The following EXOC6B variants were observed in gnomAD, a reference collection of about 807,000 sequenced individuals.
EXOC6B encodes exocyst complex component 6B.
EXOC6B carries 54 observed loss-of-function variants against 113.5 expected under a neutral mutation model. That is an observed-to-expected ratio of 0.48 (90% confidence interval 0.38 to 0.60). The LOEUF (loss-of-function observed/expected upper bound fraction) is 0.60, where lower values mean the gene tolerates loss of function less well. Ranked by LOEUF, EXOC6B falls within the 20% of genes least tolerant of loss-of-function variation. The pLI, the probability that EXOC6B is intolerant of heterozygous loss-of-function variation, is 0.00. For missense variants in EXOC6B, 797 were observed against 977.5 expected, an observed-to-expected ratio of 0.82 and a Z score of 2.46; for synonymous variants, 357 against 339.0, an observed-to-expected ratio of 1.05 and a Z score of -0.58.
At chr2:72,397,237 G>A (rs1054919793) in intron 18 of EXOC6B, among the ~76,000 whole-genome samples, 1 of 152,048 alleles carries the variant, frequency 6.6e-6, no homozygotes, top group Non-Finnish European at 1.5e-5. Flanking sequence ...TTGGAACCTT[G>A]AGGAAATGGT....
intron 20 of EXOC6B, among the ~76,000 whole-genome samples, chr2:72,297,941 G>A (rs943189477): frequency 1.3e-5 from 2 of 152,174 alleles, no homozygotes; most frequent in Admixed American, 1.3e-4. Context: ...GTGCAATGTG[G>A]TGCTCAGAAG....
chr2:72,262,060 C>T (rs1313786591), intron 20 of EXOC6B, among the ~76,000 whole-genome samples: 1 of 152,068 alleles, frequency 6.6e-6, no homozygotes, highest in Non-Finnish European at 1.5e-5. Context: ...GTATTCTTTC[C>T]CTATATCTCA....
intron 18 of EXOC6B, among the ~76,000 whole-genome samples, chr2:72,423,841 A>G (rs1695050916): frequency 6.6e-6 from 1 of 152,198 alleles, no homozygotes; most frequent in South Asian, 2.1e-4. Flanking sequence ...TATATTCAAT[A>G]ATATCAAACG....
At chr2:72,390,117 C>A (rs1038325732) in intron 18 of EXOC6B, among the ~76,000 whole-genome samples, 4 of 152,118 alleles carry the variant, frequency 2.6e-5, no homozygotes, top group Non-Finnish European at 2.9e-5. Flanking sequence ...TCCATTAATT[C>A]TCCTCTATAC....
At chr2:72,399,458 A>C (rs1388296141) in intron 18 of EXOC6B, among the ~76,000 whole-genome samples, 2 of 152,206 alleles carry the variant, frequency 1.3e-5, no homozygotes, top group Non-Finnish European at 2.9e-5. Context: ...GCAAAGAAGA[A>C]GTCAAACTAT....
intron 1 of EXOC6B, among the ~76,000 whole-genome samples, chr2:72,759,002 T>C (rs1217641612): frequency 6.6e-6 from 1 of 152,242 alleles, no homozygotes; most frequent in Non-Finnish European, 1.5e-5. Flanking sequence ...GCAGTCACTT[T>C]TCTTTAAGTG....
At chr2:72,441,801 C>T (rs1169122335) in intron 18 of EXOC6B, among the ~76,000 whole-genome samples, 4 of 152,186 alleles carry the variant, frequency 2.6e-5, no homozygotes, top group Non-Finnish European at 4.4e-5. Context: ...CAGACAGATT[C>T]ACAGCTGAAT....
At chr2:72,636,453 G>C (rs918193196) in intron 6 of EXOC6B, among the ~76,000 whole-genome samples, 1 of 150,750 alleles carries the variant, frequency 6.6e-6, no homozygotes, top group Non-Finnish European at 1.5e-5. Context: ...GAAGGAAGAA[G>C]AAGGAGGAGG....
intron 6 of EXOC6B, among the ~76,000 whole-genome samples, chr2:72,643,516 A>G (rs1432546481): frequency 1.3e-5 from 2 of 148,898 alleles, no homozygotes; most frequent in Non-Finnish European, 3.0e-5. Context: ...CGCAAGAACA[A>G]AAAACCAAAC....
intron 19 of EXOC6B, among the ~76,000 whole-genome samples, chr2:72,355,850 G>A (rs1420906271): frequency 6.6e-6 from 1 of 152,098 alleles, no homozygotes; most frequent in Non-Finnish European, 1.5e-5. Context: ...TAACAAAAGG[G>A]ACATCTGTTA....
At chr2:72,266,655 T>C (rs1271315203) in intron 20 of EXOC6B, among the ~76,000 whole-genome samples, 2 of 152,192 alleles carry the variant, frequency 1.3e-5, no homozygotes, top group Non-Finnish European at 2.9e-5. Flanking sequence ...TTGGTTACTG[T>C]AGCCTTGTAG....
chr2:72,598,511 A>C (rs1480402578), intron 6 of EXOC6B, among the ~76,000 whole-genome samples: 2 of 152,000 alleles, frequency 1.3e-5, no homozygotes, highest in African/African-American at 4.8e-5. Context: ...GTAGCAATAT[A>C]AACCTAAGCA....
At chr2:72,545,162 A>G (rs1365498833) in intron 8 of EXOC6B, among the ~76,000 whole-genome samples, 4 of 152,154 alleles carry the variant, frequency 2.6e-5, no homozygotes, top group African/African-American at 9.6e-5. Context: ...AAGCACTATC[A>G]ATTTTAATAA....
intron 6 of EXOC6B, among the ~76,000 whole-genome samples, chr2:72,576,624 G>A (rs1252753566): frequency 6.6e-6 from 1 of 152,030 alleles, no homozygotes; most frequent in East Asian, 1.9e-4. Flanking sequence ...TGACCAAAAT[G>A]TTTCCCAAAA....
intron 20 of EXOC6B, among the ~76,000 whole-genome samples, chr2:72,211,083 C>T (rs988128060): frequency 2.6e-4 from 39 of 152,170 alleles, no homozygotes; most frequent in African/African-American, 8.9e-4. Context: ...TTACCCTCTT[C>T]CCTCTCAACC....
intron 19 of EXOC6B, among the ~76,000 whole-genome samples, chr2:72,372,913 T>C (rs758795773): frequency 6.6e-6 from 1 of 151,832 alleles, no homozygotes; most frequent in African/African-American, 2.4e-5. Flanking sequence ...TAGAAATCCA[T>C]ATGCAAAATA....
At position 72,823,479 on chromosome 2, in the gene EXOC6B, C is replaced by CAAAA. The variant is rs1214480106; in HGVS notation, c.113+2315_113+2318dup. ...TTTAAGAAAAAAAAAAAAAAAAAAA[C>CAAAA]AAAAAACAAAAAAAAAGACAGTGGC... On this transcript the variant is annotated intron_variant, in intron 1 of 21. Transcript: ENST00000272427. Among the ~76,000 whole-genome samples, 29 of 95,334 alleles carry CAAAA rather than the reference C, an allele frequency of 3.0e-4. 1 individual carries two copies. The highest frequency in any genetic ancestry group is 1.3e-3 in the African/African-American group (28 of 21,228). 62.5% of individuals were successfully genotyped at this position (95,334 alleles called of 152,430 possible).
intron 6 of EXOC6B, among the ~76,000 whole-genome samples, chr2:72,696,511 T>C (rs1677895975): frequency 6.6e-6 from 1 of 152,206 alleles, no homozygotes; most frequent in South Asian, 2.1e-4. Context: ...TTTCTCCATG[T>C]TCTTGACTCT....
At chr2:72,773,453 A>G (rs906644356) in intron 1 of EXOC6B, among the ~76,000 whole-genome samples, 17 of 151,650 alleles carry the variant, frequency 1.1e-4, no homozygotes, top group Admixed American at 5.9e-4. Flanking sequence ...CTCACCAAAA[A>G]AAAAAAAAAA....
Sources: gnomAD v4.1 joint callset for allele counts (sites outside exome capture counted in the v4.1 genomes callset) on GRCh38, gnomAD v4.1.1 for gene constraint, MANE v1.5 for transcripts, NCBI Gene and HGNC (gene_info 2026-07-23, HGNC 2026-07-21) for gene names.